The following BEND5 variants were observed in gnomAD, a reference collection of about 807,000 sequenced individuals.
The protein encoded by BEND5 is BEN domain-containing protein 5.
Under a neutral mutation model 43.9 loss-of-function variants are expected in BEND5, and 22 were observed. The observed-to-expected ratio is 0.50, with a 90% confidence interval of 0.36 to 0.72. The LOEUF (loss-of-function observed/expected upper bound fraction) is 0.72, where lower values mean the gene tolerates loss of function less well. Ranked by LOEUF, BEND5 falls within the 30% of genes least tolerant of loss-of-function variation. The probability of loss-of-function intolerance (pLI) is 0.00; values close to 1 mark genes in which losing one functional copy is unlikely to be tolerated. For synonymous variants in BEND5, 228 were observed against 225.9 expected, an observed-to-expected ratio of 1.01 and a Z score of -0.08; for missense variants, 428 against 550.6, an observed-to-expected ratio of 0.78 and a Z score of 2.23.
At chr1:48,745,927 A>C (rs768903165) in intron 3 of BEND5, among the ~76,000 whole-genome samples, 1 of 152,080 alleles carries the variant, frequency 6.6e-6, no homozygotes, top group Non-Finnish European at 1.5e-5. Flanking sequence ...CCCCTACTAA[A>C]GGAGGAGGGA....
chr1:48,766,214 T>C (rs1263531023), intron 1 of BEND5, among the ~76,000 whole-genome samples: 1 of 151,526 alleles, frequency 6.6e-6, no homozygotes, highest in East Asian at 1.9e-4. Flanking sequence ...ATAAGCCACA[T>C]TTTTTTTTCC....
chr1:48,771,651 A>G (rs1644839941), intron 1 of BEND5, among the ~76,000 whole-genome samples: 3 of 152,318 alleles, frequency 2.0e-5, no homozygotes, highest in Middle Eastern at 3.4e-3. Flanking sequence ...TTTCAAGAAA[A>G]TAAATCCTTT....
intron 5 of BEND5, among the ~76,000 whole-genome samples, chr1:48,734,136 G>C (rs1056756790): frequency 6.6e-6 from 1 of 152,174 alleles, no homozygotes; most frequent in Non-Finnish European, 1.5e-5. Context: ...ACAGCAGCAA[G>C]ACGAAAGGTT....
chr1:48,770,039 GACAGGGAGCTCAGCACCAT>G (rs1644735354), intron 1 of BEND5, among the ~76,000 whole-genome samples: 6 of 152,244 alleles, frequency 3.9e-5, no homozygotes, highest in African/African-American at 1.4e-4. Flanking sequence ...CACCTTTAGT[GACAGGGAGCTCAGCACCAT>G]GCTAGAAGCC....
At chr1:48,737,904 T>C (rs908094251) in intron 4 of BEND5, among the ~76,000 whole-genome samples, 1 of 152,076 alleles carries the variant, frequency 6.6e-6, no homozygotes, top group African/African-American at 2.4e-5. Flanking sequence ...TGAGCTAAAC[T>C]TTCTAAGGGA....
chr1:48,745,126 G>C (rs1650537065), intron 3 of BEND5, among the ~76,000 whole-genome samples: 3 of 152,210 alleles, frequency 2.0e-5, no homozygotes, highest in African/African-American at 7.2e-5. Context: ...TTGGAGCGTA[G>C]GGAAGCGCCT....
intron 4 of BEND5, among the ~76,000 whole-genome samples, chr1:48,737,601 G>A (rs758787697): frequency 4.6e-5 from 7 of 152,026 alleles, no homozygotes; most frequent in Non-Finnish European, 7.4e-5. Flanking sequence ...TGATTCCGAC[G>A]GCACAAAGAA....
At position 48,759,156 on chromosome 1, in the gene BEND5, G is replaced by C. The variant is rs999900027; in HGVS notation, c.489C>G (p.Ala163=). Residue 163 remains alanine (A), a synonymous_variant, in exon 3 of 6, where the codon GCC becomes GCG. Coordinates refer to ENST00000371833, the MANE Select transcript of BEND5 (RefSeq NM_024603.4). The part of the protein sequence containing the change: ...STCPEEVFVE[A]SPGTEDMDSL... ...TGTCCATGTCCTCTGTGCCTGGCGA[G>C]GCCTCCACGAAGACCTCTTCCGGAC... 6.2e-7 allele frequency: 1 copy of C among 1,614,154 alleles called. No individual in the cohort carries two copies. Among genetic ancestry groups the C allele is most frequent in the Admixed American group, 1.7e-5 (1 of 60,018 alleles).
At chr1:48,746,254 C>T (rs1421605263) in intron 3 of BEND5, among the ~76,000 whole-genome samples, 1 of 152,110 alleles carries the variant, frequency 6.6e-6, no homozygotes, top group Non-Finnish European at 1.5e-5. Flanking sequence ...TAGTCATTCA[C>T]TCCCTCTCCA....
intron 3 of BEND5, among the ~76,000 whole-genome samples, chr1:48,756,250 C>A (rs1338508822): frequency 6.6e-6 from 1 of 152,226 alleles, no homozygotes; most frequent in East Asian, 1.9e-4. Context: ...ATCATTCAGG[C>A]TTCAGCCTAA....
chr1:48,764,989 C>T (rs1190007000), intron 1 of BEND5, among the ~76,000 whole-genome samples: 1 of 152,158 alleles, frequency 6.6e-6, no homozygotes. Flanking sequence ...ATTCCCCCAC[C>T]AGCTATACTC....
chr1:48,773,741 G>A (rs1252846159), intron 1 of BEND5, among the ~76,000 whole-genome samples: 1 of 152,192 alleles, frequency 6.6e-6, no homozygotes, highest in African/African-American at 2.4e-5. Flanking sequence ...TCCAATTCCA[G>A]CCTTGCCATT....
intron 4 of BEND5, among the ~76,000 whole-genome samples, chr1:48,741,707 C>A (rs965749251): frequency 5.3e-5 from 8 of 152,224 alleles, no homozygotes; most frequent in African/African-American, 1.9e-4. Context: ...ATCAACCTAA[C>A]AGAGAATGAT....
intron 3 of BEND5, among the ~76,000 whole-genome samples, chr1:48,746,206 A>G (rs1337833125): frequency 6.6e-6 from 1 of 152,174 alleles, no homozygotes; most frequent in African/African-American, 2.4e-5. Flanking sequence ...TGAAACAATG[A>G]TTTCAGAGTC....
Position 48,769,181 on chromosome 1 carries a change from T to C in BEND5, c.226+7425A>G, listed in dbSNP as rs12061920. Among the ~76,000 whole-genome samples, 534 of 152,246 alleles carry C rather than the reference T, an allele frequency of 3.5e-3. 4 individuals carry two copies. The highest frequency in any genetic ancestry group is 0.012 in the African/African-American group (505 of 41,540). ...AGGTCTCTTTCTCAGCTGTGTAATG[T>C]AGGGTAACAGTAGATGAGCTAGAAG... is the stretch of plus-strand genomic sequence containing the variant. On this transcript the variant is annotated intron_variant, in intron 1 of 5. Transcript: ENST00000371833.
At chr1:48,750,278 G>GTTCT (rs1198881616) in intron 3 of BEND5, among the ~76,000 whole-genome samples, 1 of 152,182 alleles carries the variant, frequency 6.6e-6, no homozygotes, top group Non-Finnish European at 1.5e-5. Context: ...GGCTGGGGTA[G>GTTCT]TTCTGCTTGC....
intron 1 of BEND5, among the ~76,000 whole-genome samples, chr1:48,773,338 C>T (rs572231181): frequency 1.3e-5 from 2 of 152,244 alleles, no homozygotes; most frequent in South Asian, 2.1e-4. Flanking sequence ...GAGTAGTTCT[C>T]ACTTTCACAA....
chr1:48,767,858 C>A (rs1227654274), intron 1 of BEND5, among the ~76,000 whole-genome samples: 1 of 152,186 alleles, frequency 6.6e-6, no homozygotes, highest in Admixed American at 6.5e-5. Context: ...CCTTTTCCTC[C>A]TCCTTTCTAG....
intron 1 of BEND5, 68 bp from the exon 2 acceptor site, chr1:48,761,538 C>A: frequency 1.4e-6 from 2 of 1,447,498 alleles, no homozygotes; most frequent in Non-Finnish European, 1.9e-6. Flanking sequence ...TTTAGAATGC[C>A]CAAAACCTCA....
Sources: gnomAD v4.1 joint callset for allele counts (sites outside exome capture counted in the v4.1 genomes callset) on GRCh38, gnomAD v4.1.1 for gene constraint, MANE v1.5 for transcripts, NCBI Gene and HGNC (gene_info 2026-07-23, HGNC 2026-07-21) for gene names.